WDFY3: variants seen among roughly 807,000 people sequenced by gnomAD.
The protein encoded by WDFY3 is WD repeat and FYVE domain-containing protein 3.
Under a neutral mutation model 409.6 loss-of-function variants are expected in WDFY3, and 66 were observed. The ratio of observed to expected loss-of-function variants is 0.16; its 90% CI spans 0.13 to 0.20. The LOEUF is 0.20. Among genes scored for constraint, WDFY3 ranks in the 10% least tolerant of loss-of-function variants. WDFY3 has a pLI of 1.00. For synonymous variants in WDFY3, 1,521 were observed against 1,537.1 expected (o/e 0.99, Z 0.25); for missense variants, 3,031 against 4,298.1 (o/e 0.71, Z 8.24).
rs1734320788 is a variant in WDFY3 at position 84,718,457 on chromosome 4, G to C, written c.7719C>G (p.Thr2573=). 1 of 1,613,474 alleles carries C rather than the reference G, an allele frequency of 6.2e-7. No homozygotes were observed. Among genetic ancestry groups the C allele is most frequent in the Non-Finnish European group, 8.5e-7 (1 of 1,179,786 alleles). The change falls in exon 48 of 68, where the codon ACC becomes ACG. Residue 2573 remains threonine, a synonymous_variant. Coordinates refer to ENST00000295888, the MANE Select transcript of WDFY3 (RefSeq NM_014991.6). ...YVIDGFTMTA[T]REIRDIETLP... is the part of the protein sequence containing the mutation. ...AGGTTTCAATATCTCTTATTTCCCT[G>C]GTTGCTGTCATGGTAAATCCATCAA... is the stretch of plus-strand genomic sequence containing the variant.
chr4:84,839,357 C>A (rs142266752), intron 6 of WDFY3, among the ~76,000 whole-genome samples: 1 of 152,030 alleles, frequency 6.6e-6, no homozygotes, highest in Non-Finnish European at 1.5e-5. Context: ...GCAAACAGAA[C>A]TGAGATTTTG....
Position 84,717,022 on chromosome 4 carries a change from G to A in WDFY3, c.7755-6C>T. On this transcript the variant is annotated splice_region_variant and splice_polypyrimidine_tract_variant and intron_variant, in intron 48 of 67. Transcript: ENST00000295888. ...GAATAATAGGCTCATGCATACTACA[G>A]GCAGCCAAGAGAAAAAGCAAATAAA... The A allele has an allele frequency of 6.4e-7, 1 of 1,564,130 alleles. No homozygotes were observed.
chr4:84,769,655 C>T (rs1744294650), intron 30 of WDFY3, among the ~76,000 whole-genome samples: 1 of 152,082 alleles, frequency 6.6e-6, no homozygotes, highest in African/African-American at 2.4e-5. Flanking sequence ...ATCTCCTGAC[C>T]TCGTGATCCA....
At position 84,692,944 on chromosome 4, in the gene WDFY3, C is replaced by T. The variant is rs761907038; in HGVS notation, c.8990G>A (p.Ser2997Asn). 6.8e-6 allele frequency: 11 copies of T among 1,613,600 alleles called. No individual in the cohort carries two copies. The African/African-American group carries it at 1.3e-4, about 20-fold the overall frequency. ...AGISVLPGST[S>N]DKIFFHHLDN... ...TAGATGATGAAAAAAGATCTTGTCA[C>T]TTGTAGATCCTGGTAGGACAGAGAT... is the stretch of plus-strand genomic sequence containing the variant. The change falls in exon 59 of 68, where the codon AGT becomes AAT. Residue 2997 changes from serine to asparagine, a missense_variant. Transcript: ENST00000295888.
At chr4:84,871,833 C>T (rs1035531679) in intron 3 of WDFY3, among the ~76,000 whole-genome samples, 1 of 152,070 alleles carries the variant, frequency 6.6e-6, no homozygotes, top group Non-Finnish European at 1.5e-5. Context: ...TAGGTATTTG[C>T]CATGTTTCCC....
At chr4:84,877,426 T>A (rs1345040699) in intron 3 of WDFY3, among the ~76,000 whole-genome samples, 2 of 152,126 alleles carry the variant, frequency 1.3e-5, no homozygotes, top group Non-Finnish European at 2.9e-5. Context: ...CTCCATCTCC[T>A]GGGCTCAAAC....
At position 84,839,357 on chromosome 4, in the gene WDFY3, C is replaced by T. The variant is rs142266752; in HGVS notation, c.414+1797G>A. ...CAGCTACCATCAACAGCAAACAGAACTGAGATTTTGTTACTCATCCAGTAG... is the reference window on the plus strand; with the variant it reads ...CAGCTACCATCAACAGCAAACAGAATTGAGATTTTGTTACTCATCCAGTAG... On this transcript the variant is annotated intron_variant, in intron 6 of 67. Coordinates refer to ENST00000295888, the MANE Select transcript of WDFY3 (RefSeq NM_014991.6). Among the ~76,000 whole-genome samples, 992 of 152,148 alleles carry T rather than the reference C, an allele frequency of 6.5e-3. 7 individuals carry two copies. Among genetic ancestry groups the T allele is most frequent in the African/African-American group, 0.022 (933 of 41,500 alleles).
chr4:84,855,976 C>T (rs1264510529), intron 4 of WDFY3, among the ~76,000 whole-genome samples: 2 of 152,142 alleles, frequency 1.3e-5, no homozygotes, highest in African/African-American at 2.4e-5. Flanking sequence ...TCCAGTTCTG[C>T]CAGTGACTGG....
chr4:84,749,804 C>CA (rs1740182103), intron 36 of WDFY3, among the ~76,000 whole-genome samples: 1 of 152,172 alleles, frequency 6.6e-6, no homozygotes, highest in African/African-American at 2.4e-5. Flanking sequence ...TTTCCCTGAA[C>CA]TGTACTCCTA....
At chr4:84,736,994 T>TAA (rs200364139) in intron 41 of WDFY3, among the ~76,000 whole-genome samples, 190 bp downstream of exon 41, 11 of 114,556 alleles carry the variant, frequency 9.6e-5, no homozygotes, top group African/African-American at 2.5e-4. Flanking sequence ...CCTCAGATGC[T>TAA]AAAAAAAAAA....
At chr4:84,906,446 TTA>T (rs1438306020) in intron 2 of WDFY3, among the ~76,000 whole-genome samples, 1 of 152,152 alleles carries the variant, frequency 6.6e-6, no homozygotes, top group African/African-American at 2.4e-5. Flanking sequence ...AAGTAAATAA[TTA>T]TGTTTATATG....
chr4:84,893,546 C>T (rs558892545), intron 3 of WDFY3, among the ~76,000 whole-genome samples: 2 of 152,238 alleles, frequency 1.3e-5, no homozygotes, highest in South Asian at 2.1e-4. Context: ...AATCCTTTTC[C>T]TCACCTACTG....
intron 64 of WDFY3, among the ~76,000 whole-genome samples, chr4:84,680,896 A>G (rs924518652): frequency 2.6e-5 from 4 of 152,196 alleles, no homozygotes; most frequent in Admixed American, 2.0e-4. Flanking sequence ...TATCAAAAGG[A>G]GGTCTTAGAA....
intron 43 of WDFY3, among the ~76,000 whole-genome samples, chr4:84,733,997 C>A (rs1737026862): frequency 6.6e-6 from 1 of 152,056 alleles, no homozygotes; most frequent in South Asian, 2.1e-4. Context: ...AAATAGCTAC[C>A]ACAACATGTA....
At chr4:84,822,449 T>C (rs1210272382) in intron 10 of WDFY3, among the ~76,000 whole-genome samples, 3 of 151,956 alleles carry the variant, frequency 2.0e-5, no homozygotes, top group Non-Finnish European at 4.4e-5. Flanking sequence ...ACACCGGTAG[T>C]CCTAGCACTT....
chr4:84,723,447 T>G (rs925310913), intron 46 of WDFY3, among the ~76,000 whole-genome samples: 1 of 152,214 alleles, frequency 6.6e-6, no homozygotes, highest in Admixed American at 6.5e-5. Flanking sequence ...ATTTTAAAAC[T>G]AACTTTTACT....
chr4:84,720,113 GC>G (rs1252032254), intron 47 of WDFY3, among the ~76,000 whole-genome samples: 1 of 152,078 alleles, frequency 6.6e-6, no homozygotes, highest in Non-Finnish European at 1.5e-5. Flanking sequence ...TGTCTATTAT[GC>G]AACTGGACCT....
intron 1 of WDFY3, among the ~76,000 whole-genome samples, chr4:84,955,613 GGAAA>G (rs1774147586): frequency 6.6e-6 from 1 of 151,812 alleles, no homozygotes; most frequent in Admixed American, 6.6e-5. Context: ...TTACTAATGG[GGAAA>G]GAAAGATAGG....
chr4:84,700,856 G>A (rs1044987348), intron 56 of WDFY3, among the ~76,000 whole-genome samples: 1 of 152,196 alleles, frequency 6.6e-6, no homozygotes, highest in African/African-American at 2.4e-5. Context: ...TAACCACTGA[G>A]ACGGGCAGAT....
Sources: gnomAD v4.1 joint callset for allele counts (sites outside exome capture counted in the v4.1 genomes callset) on GRCh38, gnomAD v4.1.1 for gene constraint, MANE v1.5 for transcripts, NCBI Gene and HGNC (gene_info 2026-07-23, HGNC 2026-07-21) for gene names.